DLGAP4: variants seen among roughly 807,000 people sequenced by gnomAD.
DLGAP4 encodes disks large-associated protein 4.
In DLGAP4, 18 loss-of-function variants were observed where a neutral mutation model predicts 86.9. That is an observed-to-expected ratio of 0.21 (90% CI 0.14 to 0.31). The LOEUF is 0.31. DLGAP4 is among the 10% of genes least tolerant of loss of function. The pLI, the probability that DLGAP4 is intolerant of heterozygous loss-of-function variation, is 1.00. For synonymous variants in DLGAP4, 548 were observed against 574.3 expected (o/e 0.95, Z 0.65); for missense variants, 1,085 against 1,362.6 (o/e 0.80, Z 3.21).
intron 2 of DLGAP4, among the ~76,000 whole-genome samples, chr20:36,377,968 TCCTCGGG>T (rs2031223360): frequency 1.3e-5 from 2 of 152,284 alleles, no homozygotes; most frequent in South Asian, 4.1e-4. Context: ...ACCCTGCTAC[TCCTCGGG>T]CCTGGTCCTT....
intron 1 of DLGAP4, among the ~76,000 whole-genome samples, chr20:36,322,550 T>C (rs892283837): frequency 1.7e-4 from 26 of 152,246 alleles, no homozygotes; most frequent in Middle Eastern, 3.4e-3. Flanking sequence ...GTTGTGAGGA[T>C]GAAGTGAGGT....
Position 36,306,989 on chromosome 20 carries a change from C to T in DLGAP4, c.-304+477C>T, listed in dbSNP as rs2065008964. Among the ~76,000 whole-genome samples, 1 of 152,152 alleles carries T rather than the reference C, an allele frequency of 6.6e-6. No individual in the cohort carries two copies. The highest frequency in any genetic ancestry group is 2.1e-4 in the South Asian group (1 of 4,826). ...GCTTGGGAGAGCAGGGCTATGCCGG[C>T]CCGGGCATTCCTCCATTCAACCCAG... On this transcript the variant is annotated intron_variant, in intron 1 of 12. Coordinates refer to ENST00000339266, the MANE Select transcript of DLGAP4 (RefSeq NM_001365621.2). This position sits in a 1 kb window ranked among gnomAD's most constrained non-coding sequence, Gnocchi z 4.9.
At chr20:36,315,130 G>T (rs981918902) in intron 1 of DLGAP4, among the ~76,000 whole-genome samples, 1 of 147,348 alleles carries the variant, frequency 6.8e-6, no homozygotes, top group Non-Finnish European at 1.5e-5. Context: ...ATGTGGTGTG[G>T]TGTGTGTGAT....
intron 2 of DLGAP4, among the ~76,000 whole-genome samples, chr20:36,389,842 G>A (rs979931389): frequency 3.9e-5 from 6 of 152,246 alleles, no homozygotes; most frequent in African/African-American, 1.2e-4. Flanking sequence ...TCAGGTGTGT[G>A]CAGAGTATCC....
At chr20:36,401,016 C>T (rs2032143135) in intron 2 of DLGAP4, among the ~76,000 whole-genome samples, 1 of 152,070 alleles carries the variant, frequency 6.6e-6, no homozygotes, top group African/African-American at 2.4e-5. Context: ...GGAAATCAGG[C>T]CATCCCACAG....
chr20:36,330,734 G>A (rs1351417486), intron 1 of DLGAP4, among the ~76,000 whole-genome samples: 3 of 151,798 alleles, frequency 2.0e-5, no homozygotes, highest in East Asian at 1.9e-4. Flanking sequence ...CACCACACCC[G>A]GCTACTTTTT....
In DLGAP4 at chr20:36,393,164, T is replaced by C. The variant is rs137882976; in HGVS notation, c.-73+25889T>C. Reference sequence around the variant, plus strand: ...TGAGACTAGGGTGGGACTGGAGAACTGGGAGTCATTAGGGCAGAAGGGGTG... The same window carrying C: ...TGAGACTAGGGTGGGACTGGAGAACCGGGAGTCATTAGGGCAGAAGGGGTG... On this transcript the variant is annotated intron_variant, in intron 2 of 12. Coordinates refer to ENST00000339266, the MANE Select transcript of DLGAP4 (RefSeq NM_001365621.2). The surrounding 1 kb of genome is among the most constrained non-coding windows in gnomAD (Gnocchi z 4.4). Among the ~76,000 whole-genome samples the C allele has an allele frequency of 5.2e-3, 787 of 151,602 alleles. 6 individuals carry two copies. Among genetic ancestry groups the C allele is most frequent in the African/African-American group, 0.018 (750 of 41,226 alleles).
At chr20:36,468,731 C>T (rs900512803) in intron 7 of DLGAP4, among the ~76,000 whole-genome samples, 7 of 152,196 alleles carry the variant, frequency 4.6e-5, no homozygotes, top group Non-Finnish European at 7.4e-5. Context: ...TAACTGTAAC[C>T]GTGTTCGTCA....
At chr20:36,309,146 C>G (rs1158493621) in intron 1 of DLGAP4, among the ~76,000 whole-genome samples, 2 of 152,212 alleles carry the variant, frequency 1.3e-5, no homozygotes, top group African/African-American at 2.4e-5. Context: ...TGTTTCACTA[C>G]TGCTCATCAC....
chr20:36,372,579 A>G (rs1487754333), intron 2 of DLGAP4, among the ~76,000 whole-genome samples: 1 of 151,246 alleles, frequency 6.6e-6, no homozygotes, highest in Non-Finnish European at 1.5e-5. Context: ...ACTACTTTAC[A>G]GCCACTAAGA....
At chr20:36,387,345 A>G (rs1270862572) in intron 2 of DLGAP4, among the ~76,000 whole-genome samples, 1 of 152,204 alleles carries the variant, frequency 6.6e-6, no homozygotes. Context: ...TACTTTGCCC[A>G]GTTTTTTATG....
chr20:36,451,537 G>A (rs1025874868), intron 7 of DLGAP4, among the ~76,000 whole-genome samples: 2 of 151,744 alleles, frequency 1.3e-5, no homozygotes, highest in African/African-American at 4.8e-5. Context: ...TTTTAGTAGA[G>A]ACAAGGTTTC....
intron 8 of DLGAP4, 91 bp from the exon 9 acceptor site, chr20:36,499,497 C>A: frequency 7.0e-7 from 1 of 1,436,668 alleles, no homozygotes; most frequent in Non-Finnish European, 9.6e-7. Flanking sequence ...TTGCGTCGTC[C>A]CACTAATGTG....
intron 1 of DLGAP4, among the ~76,000 whole-genome samples, chr20:36,336,910 G>A (rs571629102): frequency 2.4e-4 from 36 of 152,314 alleles, no homozygotes; most frequent in Admixed American, 1.8e-3. Flanking sequence ...CCCCCAGCCC[G>A]CACCCAGTCT....
chr20:36,486,432 A>G (rs565401340), intron 7 of DLGAP4, among the ~76,000 whole-genome samples: 3 of 151,446 alleles, frequency 2.0e-5, no homozygotes, highest in Non-Finnish European at 4.4e-5. Context: ...TGCCAACATG[A>G]GGGTGAAGTT....
At chr20:36,330,211 G>A (rs1394280686) in intron 1 of DLGAP4, among the ~76,000 whole-genome samples, 9 of 152,302 alleles carry the variant, frequency 5.9e-5, no homozygotes, top group African/African-American at 2.2e-4. Flanking sequence ...TCCAGAGCCT[G>A]CCTTTGAAGG....
At chr20:36,352,040 G>A (rs116919954) in intron 1 of DLGAP4, among the ~76,000 whole-genome samples, 2,126 of 152,280 alleles carry the variant, frequency 0.014, 22 homozygotes, top group Non-Finnish European at 0.02. Context: ...TCTCTGAGGA[G>A]GTGACAGCTA....
At chr20:36,487,532 C>T (rs766379700) in intron 7 of DLGAP4, among the ~76,000 whole-genome samples, 2 of 152,138 alleles carry the variant, frequency 1.3e-5, no homozygotes, top group African/African-American at 2.4e-5. Flanking sequence ...CCTCCCTCCA[C>T]GAGCTAAGGT....
intron 2 of DLGAP4, among the ~76,000 whole-genome samples, chr20:36,427,438 A>T (rs1415418499): frequency 2.1e-5 from 3 of 141,710 alleles, no homozygotes; most frequent in Non-Finnish European, 4.7e-5. Flanking sequence ...AGACCACACC[A>T]TTGCACTCCA....
Sources: gnomAD v4.1 joint callset for allele counts (sites outside exome capture counted in the v4.1 genomes callset) on GRCh38, gnomAD v4.1.1 for gene constraint, Gnocchi (gnomAD v3.1) non-coding constraint, MANE v1.5 for transcripts, NCBI Gene and HGNC (gene_info 2026-07-23, HGNC 2026-07-21) for gene names.